IDUA: variants seen among roughly 807,000 people sequenced by gnomAD.
IDUA encodes the protein alpha-L-iduronidase.
IDUA carries 65 observed loss-of-function variants against 68.9 expected under a neutral mutation model. That is an observed-to-expected ratio of 0.94 (90% CI 0.77 to 1.16). The LOEUF (loss-of-function observed/expected upper bound fraction) is 1.16. Among genes scored for constraint, IDUA ranks in the 50% most tolerant of loss-of-function variants. IDUA has a pLI of 0.00. For synonymous variants in IDUA, 529 were observed against 433.6 expected, an observed-to-expected ratio of 1.22 and a Z score of -2.73; for missense variants, 1,046 against 938.0, an observed-to-expected ratio of 1.12 and a Z score of -1.50.
At position 1,001,782 on chromosome 4, in the gene IDUA, C is replaced by T. The variant is rs529773032; in HGVS notation, c.693C>T (p.Ser231=). The part of the protein sequence containing the change: ...PGDSFHTPPR[S]PLSWGLLRHC... ...ACTCCTTCCACACCCCACCGCGATC[C>T]CCGCTGAGCTGGGGCCTCCTGCGCC... The change falls in exon 6 of 14, where the codon TCC becomes TCT. Residue 231 remains serine (S), a synonymous_variant. Transcript: ENST00000514224. 13 of 1,603,336 alleles carry T rather than the reference C, an allele frequency of 8.1e-6. No homozygotes were observed. In the East Asian group the frequency reaches 1.8e-4, roughly 22 times the overall value.
intron 2 of IDUA, chr4:992,116 C>G: frequency 2.0e-6 from 1 of 495,136 alleles, no homozygotes; most frequent in South Asian, 1.5e-5. Context: ...GGGGCAGGAA[C>G]AGGCTGGGCT....
At chr4:1,001,291 G>A (rs903166670) in intron 4 of IDUA, 177 bp from the exon 5 acceptor site, 18 of 683,404 alleles carry the variant, frequency 2.6e-5, no homozygotes, top group East Asian at 8.0e-5. Context: ...CCAGGCCGCC[G>A]CCCAGGTCTT....
chr4:988,447 C>T (rs1017173739), intron 2 of IDUA: 13 of 1,079,752 alleles, frequency 1.2e-5, no homozygotes, highest in Middle Eastern at 4.2e-4. Flanking sequence ...GGGTGGGCAC[C>T]GGGCAGGCCT....
At chr4:1,001,424 G>A in intron 4 of IDUA, 44 bp from the exon 5 acceptor site, 1 of 1,539,560 alleles carries the variant, frequency 6.5e-7, no homozygotes, top group Non-Finnish European at 9.0e-7. Context: ...AGTCACTGAG[G>A]CGAGATTCAC....
Position 1,003,577 on chromosome 4 carries a change from C to T in IDUA, c.1679C>T (p.Thr560Ile), listed in dbSNP as rs773249605. The change falls in exon 12 of 14, where the codon ACC (threonine) becomes ATC (isoleucine). Residue 560 changes from threonine to isoleucine, a missense_variant. Transcript: ENST00000514224. ...ACGCGGCTCCGCGCCCTGCCCCTGA[C>T]CCAAGGGCAGCTGGTTCTGGTCTGG... ...QVTRLRALPL[T>I]QGQLVLVWSD... The T allele has an allele frequency of 5.6e-6, 9 of 1,612,402 alleles. No homozygotes were observed. The highest frequency in any genetic ancestry group is 6.8e-6 in the Non-Finnish European group (8 of 1,179,832).
chr4:991,636 G>A, intron 2 of IDUA: 1 of 1,562,662 alleles, frequency 6.4e-7, no homozygotes, highest in Non-Finnish European at 8.6e-7. Flanking sequence ...ACCCCGGGGT[G>A]CTGGGCGCTG....
intron 2 of IDUA, among the ~76,000 whole-genome samples, chr4:994,948 C>T (rs1714652122): frequency 1.3e-5 from 2 of 152,228 alleles, no homozygotes; most frequent in South Asian, 4.1e-4. Flanking sequence ...TGTCATTGGC[C>T]CAGCACTTTG....
rs753683424 is a variant in IDUA, at chr4:988,842, G to T, written c.299+893G>T. On this transcript the variant is annotated intron_variant, in intron 2 of 13. Transcript: ENST00000514224. ...GGCAGGCCTGGCCCTGCTACAGATG[G>T]GCATCGGTGGCCTCCAGCTCCCTGT... 2.5e-6 allele frequency: 4 copies of T among 1,597,096 alleles called. No individual in the cohort carries two copies. The South Asian group carries it at 4.5e-5, about 18-fold the overall frequency.
chr4:990,024 C>T (rs575903921), intron 2 of IDUA: 3 of 1,590,396 alleles, frequency 1.9e-6, no homozygotes, highest in Admixed American at 1.7e-5. Flanking sequence ...CGAAGTGCGA[C>T]ACGAGTGTGG....
chr4:1,003,706 T>C, intron 12 of IDUA, 81 bp downstream of exon 12: 1 of 1,490,980 alleles, frequency 6.7e-7, no homozygotes, highest in Non-Finnish European at 9.3e-7. Context: ...ATGCGGTCAC[T>C]CGGGCCACTT....
At position 1,000,906 on chromosome 4, in the gene IDUA, C is replaced by T. The variant is rs769949390; in HGVS notation, c.410C>T (p.Ser137Leu). 11 of 1,613,346 alleles carry T rather than the reference C, an allele frequency of 6.8e-6. No homozygotes were observed. Among genetic ancestry groups the T allele is most frequent in the South Asian group, 2.2e-5 (2 of 91,090 alleles). Reference sequence around the variant, plus strand: ...GGGTTTGAGCTGATGGGCAGCGCCTCGGGCCACTTCACTGACTTTGAGGAC... The same window carrying T: ...GGGTTTGAGCTGATGGGCAGCGCCTTGGGCCACTTCACTGACTTTGAGGAC... Reference protein sequence around the residue: ...LPGFELMGSASGHFTDFEDKQ... With the variant: ...LPGFELMGSALGHFTDFEDKQ... The change falls in exon 4 of 14, where the codon TCG becomes TTG. Residue 137 changes from serine (S) to leucine (L), a missense_variant. Physicochemically the swap from Ser to Leu is moderately radical, Grantham distance 145. Coordinates refer to ENST00000514224, the MANE Select transcript of IDUA (RefSeq NM_000203.5).
intron 2 of IDUA, chr4:989,232 C>T: frequency 6.2e-7 from 1 of 1,612,412 alleles, no homozygotes; most frequent in Non-Finnish European, 8.5e-7. Context: ...TCCTGGCAGC[C>T]ATGCACCCTG....
Position 1,004,451 on chromosome 4 carries a change from C to T in IDUA, c.*58C>T. 4 of 1,568,046 alleles carry T rather than the reference C, an allele frequency of 2.6e-6. No individual in the cohort carries two copies. The highest frequency in any genetic ancestry group is 2.2e-5 in the East Asian group (1 of 44,590). On this transcript the variant is annotated 3_prime_UTR_variant, in exon 14 of 14. Coordinates refer to ENST00000514224, the MANE Select transcript of IDUA (RefSeq NM_000203.5). This position sits in a 1 kb window ranked among gnomAD's most constrained non-coding sequence, Gnocchi z 5.0. ...ACCGGCAGTCAGCGAGCTGGGGCTG[C>T]ACTGTGCCCATGCTGCCCTCCCATC...
intron 2 of IDUA, chr4:989,716 G>A: frequency 6.4e-7 from 1 of 1,558,862 alleles, no homozygotes. Context: ...CCGGCAGCCA[G>A]TGGCTGTCTT....
chr4:1,003,433 TG>T lies in IDUA; in HGVS notation c.1614del (p.His539ThrfsTer21), dbSNP rs727503967. The stretch of plus-strand genomic sequence containing the variant: ...CTGCGGCTGCCGTCGCTTTTGCTGG[TG>T]CACGTGTGTGCGCGCCCCGAGAAGC... ...PALRLPSLLLVHVCARPEKPP... is the reference protein window; with the variant it reads ...PALRLPSLLLXHVCARPEKPP... On this transcript the variant is annotated frameshift_variant, in exon 11 of 14. Transcript: ENST00000514224. LOFTEE classifies it high-confidence loss of function. The T allele has an allele frequency of 9.1e-6, 14 of 1,538,556 alleles. No individual in the cohort carries two copies. Among genetic ancestry groups the T allele is most frequent in the Non-Finnish European group, 1.7e-6 (2 of 1,148,676 alleles).
In IDUA at chr4:1,003,572, C is replaced by T. The variant is rs767943753; in HGVS notation, c.1674C>T (p.Pro558=). Residue 558 remains proline (P), a synonymous_variant, in exon 12 of 14, where the codon CCC becomes CCT. Transcript: ENST00000514224. ...PGQVTRLRAL[P]LTQGQLVLVW... ...AGGTCACGCGGCTCCGCGCCCTGCC[C>T]CTGACCCAAGGGCAGCTGGTTCTGG... is the stretch of plus-strand genomic sequence containing the variant. 2 of 1,612,172 alleles carry T rather than the reference C, an allele frequency of 1.2e-6. No individual in the cohort carries two copies. The highest frequency in any genetic ancestry group is 1.7e-6 in the Non-Finnish European group (2 of 1,179,816).
At position 1,001,514 on chromosome 4, in the gene IDUA, G is replaced by GA. The variant is rs1553917044; in HGVS notation, c.542dup (p.Asn181LysfsTer2). The GA allele has an allele frequency of 1.2e-6, 2 of 1,613,124 alleles. No homozygotes were observed. Among genetic ancestry groups the GA allele is most frequent in the African/African-American group, 2.7e-5 (2 of 74,902 alleles). On this transcript the variant is annotated frameshift_variant, in exon 5 of 14. Coordinates refer to ENST00000514224, the MANE Select transcript of IDUA (RefSeq NM_000203.5). LOFTEE classifies it high-confidence loss of function. ...TTTCCAAGTGGAACTTCGAGACGTGGAATGAGCCAGACCACCACGACTTTG... is the reference window on the plus strand; with the variant it reads ...TTTCCAAGTGGAACTTCGAGACGTGGAAATGAGCCAGACCACCACGACTTTG...
intron 2 of IDUA, chr4:993,187 C>T: frequency 6.6e-6 from 1 of 152,392 alleles, no homozygotes; most frequent in South Asian, 2.1e-4. Flanking sequence ...AGTAGGGCCA[C>T]CTGCCTTGAG....
At chr4:1,000,543 C>A in intron 2 of IDUA, 69 bp from the exon 3 acceptor site, 1 of 1,260,370 alleles carries the variant, frequency 7.9e-7, no homozygotes, top group Non-Finnish European at 1.2e-6. Context: ...CCGTTGTGGC[C>A]ACGGTTCCAG....
Sources: allele counts gnomAD v4.1 joint callset (sites outside exome capture counted in the v4.1 genomes callset), GRCh38; gene constraint gnomAD v4.1.1; non-coding constraint Gnocchi (gnomAD v3.1); transcripts MANE v1.5; gene names NCBI Gene and HGNC (gene_info 2026-07-23, HGNC 2026-07-21).